Variants in CDH13 observed in about 807,000 individuals in gnomAD.
CDH13 encodes the protein cadherin-13.
CDH13 carries 24 observed loss-of-function variants against 63.8 expected under a neutral mutation model. The ratio of observed to expected loss-of-function variants is 0.38; its 90% CI spans 0.27 to 0.53. The LOEUF (loss-of-function observed/expected upper bound fraction) is 0.53, where lower values mean the gene tolerates loss of function less well. CDH13 is among the 20% of genes least tolerant of loss of function. The pLI, the probability that CDH13 is intolerant of heterozygous loss-of-function variation, is 0.85. For missense variants in CDH13, 1,049 were observed against 903.1 expected (o/e 1.16, Z -2.07); for synonymous variants, 503 against 355.3 (o/e 1.42, Z -4.67).
chr16:83,250,075 C>G (rs1046388889), intron 5 of CDH13, among the ~76,000 whole-genome samples: 1 of 152,102 alleles, frequency 6.6e-6, no homozygotes, highest in African/African-American at 2.4e-5. Flanking sequence ...GTTGCAAATC[C>G]TTTAGCCAAA....
At chr16:82,699,567 A>G (rs1003078930) in intron 1 of CDH13, among the ~76,000 whole-genome samples, 5 of 152,172 alleles carry the variant, frequency 3.3e-5, no homozygotes, top group Admixed American at 1.3e-4. Flanking sequence ...TTTCCTCTCC[A>G]CTAAGAACCT....
At chr16:83,392,037 C>T (rs889184071) in intron 6 of CDH13, among the ~76,000 whole-genome samples, 2 of 152,136 alleles carry the variant, frequency 1.3e-5, no homozygotes, top group Admixed American at 1.3e-4. Context: ...CTAATTGTCA[C>T]CTCCCACTAA....
At chr16:83,514,368 G>T (rs187208369) in intron 7 of CDH13, among the ~76,000 whole-genome samples, 100 of 152,322 alleles carry the variant, frequency 6.6e-4, no homozygotes, top group African/African-American at 2.3e-3. Context: ...GGAGGGCCGG[G>T]TTCGGTGGCT....
chr16:83,377,290 A>G (rs2091477261), intron 6 of CDH13, among the ~76,000 whole-genome samples: 1 of 152,210 alleles, frequency 6.6e-6, no homozygotes, highest in African/African-American at 2.4e-5. Flanking sequence ...GAAGTTTTTA[A>G]CAAATATAAG....
At chr16:83,574,658 C>G (rs968954729) in intron 7 of CDH13, among the ~76,000 whole-genome samples, 1 of 152,196 alleles carries the variant, frequency 6.6e-6, no homozygotes, top group Admixed American at 6.5e-5. Context: ...CACTATGGGT[C>G]TTAACAAATC....
intron 1 of CDH13, chr16:82,824,096 A>T (rs564884706): frequency 6.6e-6 from 1 of 152,194 alleles, no homozygotes; most frequent in Non-Finnish European, 1.5e-5. Context: ...AGGCTATGAG[A>T]TGTCATTAGG....
intron 5 of CDH13, among the ~76,000 whole-genome samples, chr16:83,313,799 G>A (rs1330642207): frequency 6.6e-6 from 1 of 152,126 alleles, no homozygotes; most frequent in Admixed American, 6.5e-5. Context: ...ATTGGCTAAG[G>A]AAGAACAGTT....
chr16:83,512,369 TAAAATAA>T (rs2074591913), intron 7 of CDH13, among the ~76,000 whole-genome samples: 1 of 118,728 alleles, frequency 8.4e-6, no homozygotes, highest in Admixed American at 8.8e-5. Context: ...AATAAATAAA[TAAAATAA>T]AAATAAAGGA....
chr16:83,053,346 C>G (rs1310182153), intron 3 of CDH13, among the ~76,000 whole-genome samples: 1 of 152,008 alleles, frequency 6.6e-6, no homozygotes, highest in African/African-American at 2.4e-5. Flanking sequence ...TCCCTTCTTT[C>G]TTTTTTGGCT....
At chr16:83,312,873 A>C (rs2151887188) in intron 5 of CDH13, among the ~76,000 whole-genome samples, 1 of 152,030 alleles carries the variant, frequency 6.6e-6, no homozygotes, top group East Asian at 1.9e-4. Flanking sequence ...TGACCTCAGA[A>C]AATCTGCACT....
At chr16:83,113,715 G>A (rs1239444719) in intron 3 of CDH13, among the ~76,000 whole-genome samples, 1 of 152,168 alleles carries the variant, frequency 6.6e-6, no homozygotes, top group African/African-American at 2.4e-5. Context: ...AGAAGGATGG[G>A]TGGGGGGTTA....
intron 10 of CDH13, chr16:83,710,367 T>G (rs1341924388): frequency 6.6e-6 from 1 of 152,214 alleles, no homozygotes; most frequent in Non-Finnish European, 1.5e-5. Context: ...TTTCCCTGAC[T>G]GCAAGCTTGG....
intron 1 of CDH13, among the ~76,000 whole-genome samples, chr16:82,631,951 T>G (rs1282175251): frequency 6.6e-6 from 1 of 152,174 alleles, no homozygotes; most frequent in Non-Finnish European, 1.5e-5. Context: ...GGGCAGAGGT[T>G]GCCAAGTAGC....
chr16:83,709,672 C>A (rs545723519), intron 10 of CDH13, among the ~76,000 whole-genome samples: 1 of 152,292 alleles, frequency 6.6e-6, no homozygotes, highest in African/African-American at 2.4e-5. Flanking sequence ...TTATATTTGT[C>A]CAGAGCTAGT....
chr16:83,244,650 T>G (rs1028621048), intron 5 of CDH13, among the ~76,000 whole-genome samples: 4 of 152,158 alleles, frequency 2.6e-5, no homozygotes, highest in African/African-American at 9.7e-5. Flanking sequence ...TACATCTAGT[T>G]GCATTTGTTG....
intron 1 of CDH13, among the ~76,000 whole-genome samples, chr16:82,723,372 C>T (rs1474087053): frequency 3.3e-5 from 5 of 152,268 alleles, no homozygotes; most frequent in Middle Eastern, 3.4e-3. Flanking sequence ...TAGTTATTCA[C>T]CAGCTCTCTT....
At chr16:82,815,565 C>A (rs781541618) in intron 1 of CDH13, among the ~76,000 whole-genome samples, 1 of 152,170 alleles carries the variant, frequency 6.6e-6, no homozygotes, top group African/African-American at 2.4e-5. Context: ...TTAAAGCCCA[C>A]TGCTCTCAAA....
At chr16:82,638,885 C>T (rs1353334968) in intron 1 of CDH13, among the ~76,000 whole-genome samples, 3 of 145,310 alleles carry the variant, frequency 2.1e-5, no homozygotes, top group African/African-American at 4.9e-5. Context: ...AAAGTACCTC[C>T]ATGTAACCAC....
chr16:83,235,063 G>A (rs748779601), intron 5 of CDH13, among the ~76,000 whole-genome samples: 8 of 152,232 alleles, frequency 5.3e-5, no homozygotes, highest in Middle Eastern at 3.4e-3. Context: ...AAATTAGCAC[G>A]GTGTGATGTT....
Sources: gnomAD v4.1 joint callset for allele counts (sites outside exome capture counted in the v4.1 genomes callset) on GRCh38, gnomAD v4.1.1 for gene constraint, MANE v1.5 for transcripts, NCBI Gene and HGNC (gene_info 2026-07-23, HGNC 2026-07-21) for gene names.